NFX1: variants seen among roughly 807,000 people sequenced by gnomAD.
The protein encoded by NFX1 is transcriptional repressor NF-X1.
In NFX1, 69 loss-of-function variants were observed where a neutral mutation model predicts 137.2. That is an observed-to-expected ratio of 0.50 (90% confidence interval 0.41 to 0.61). The LOEUF (loss-of-function observed/expected upper bound fraction) is 0.61. Ranked by LOEUF, NFX1 falls within the 20% of genes least tolerant of loss-of-function variation. The pLI is 0.00. For synonymous variants in NFX1, 495 were observed against 474.1 expected (o/e 1.04, Z -0.57); for missense variants, 1,167 against 1,391.0 (o/e 0.84, Z 2.56).
chr9:33,314,977 T>G (rs1331100133), intron 7 of NFX1, among the ~76,000 whole-genome samples: 1 of 152,198 alleles, frequency 6.6e-6, no homozygotes, highest in East Asian at 1.9e-4. Context: ...AGAAAAAAAT[T>G]TTTTAATTGT....
chr9:33,312,373 G>T (rs1002038312), intron 6 of NFX1, among the ~76,000 whole-genome samples: 1 of 152,216 alleles, frequency 6.6e-6, no homozygotes, highest in Non-Finnish European at 1.5e-5. Context: ...ATGGTGCTAG[G>T]CAGAATGGCA....
intron 15 of NFX1, chr9:33,348,851 T>A: frequency 1.1e-6 from 1 of 883,472 alleles, no homozygotes; most frequent in Non-Finnish European, 1.4e-6. Flanking sequence ...AAGATGATAC[T>A]GTTTGCTACA....
intron 15 of NFX1, among the ~76,000 whole-genome samples, chr9:33,348,894 A>G (rs979569461): frequency 3.3e-5 from 5 of 152,046 alleles, no homozygotes; most frequent in African/African-American, 1.2e-4. Flanking sequence ...AAAAAAAGAT[A>G]TTGTTTTGTA....
chr9:33,352,502 G>A, intron 16 of NFX1, 144 bp from the exon 17 acceptor site: 2 of 729,310 alleles, frequency 2.7e-6, no homozygotes, highest in Non-Finnish European at 5.0e-6. Flanking sequence ...TTGCATGTGT[G>A]GTTAGCTTCT....
At chr9:33,319,565 A>G (rs1822305412) in intron 9 of NFX1, among the ~76,000 whole-genome samples, 1 of 152,196 alleles carries the variant, frequency 6.6e-6, no homozygotes, top group Non-Finnish European at 1.5e-5. Flanking sequence ...GCTCGAGTGC[A>G]GTGGTAGGAT....
At chr9:33,298,956 A>C (rs894586557) in intron 2 of NFX1, among the ~76,000 whole-genome samples, 4 of 152,194 alleles carry the variant, frequency 2.6e-5, no homozygotes, top group African/African-American at 9.6e-5. Flanking sequence ...TGGAAGGAAG[A>C]TTTTATGCCT....
chr9:33,355,878 C>G (rs1823794066), intron 19 of NFX1, among the ~76,000 whole-genome samples: 1 of 152,112 alleles, frequency 6.6e-6, no homozygotes, highest in Non-Finnish European at 1.5e-5. Context: ...CTCCTGACCT[C>G]AGGTGATCCA....
chr9:33,347,475 A>G (rs1275172134), intron 15 of NFX1, among the ~76,000 whole-genome samples: 1 of 152,144 alleles, frequency 6.6e-6, no homozygotes, highest in Non-Finnish European at 1.5e-5. Context: ...TAAAATACCA[A>G]ATTTTTTTTT....
intron 19 of NFX1, among the ~76,000 whole-genome samples, chr9:33,355,423 T>A (rs2118654870): frequency 6.6e-6 from 1 of 152,322 alleles, no homozygotes; most frequent in Admixed American, 6.5e-5. Flanking sequence ...TTTTTGAACT[T>A]TATGTAAGTG....
intron 22 of NFX1, 138 bp from the exon 23 acceptor site, chr9:33,367,377 G>A (rs1824198818): frequency 1.3e-6 from 1 of 769,414 alleles, no homozygotes; most frequent in African/African-American, 1.7e-5. Context: ...AGGTGGCCAT[G>A]TCTGAGAGCA....
intron 4 of NFX1, 152 bp downstream of exon 4, chr9:33,303,420 C>T: frequency 1.5e-6 from 1 of 652,414 alleles, no homozygotes; most frequent in Non-Finnish European, 2.6e-6. Flanking sequence ...GTCCATCACA[C>T]AGCTAGAGCC....
intron 23 of NFX1, among the ~76,000 whole-genome samples, chr9:33,369,207 A>G (rs1824257311): frequency 6.6e-6 from 1 of 152,010 alleles, no homozygotes; most frequent in African/African-American, 2.4e-5. Flanking sequence ...CTGGGACTAC[A>G]GGCGCCTGCC....
chr9:33,303,479 TC>T (rs1423939666), intron 4 of NFX1, among the ~76,000 whole-genome samples: 1 of 152,204 alleles, frequency 6.6e-6, no homozygotes, highest in Non-Finnish European at 1.5e-5. Context: ...CCAACCAGGC[TC>T]ATGCTGCTTC....
intron 15 of NFX1, among the ~76,000 whole-genome samples, chr9:33,350,626 A>G (rs1225349344): frequency 6.6e-6 from 1 of 152,206 alleles, no homozygotes; most frequent in Non-Finnish European, 1.5e-5. Context: ...TGTTTTCTTC[A>G]TCTCAAACTA....
chr9:33,353,892 A>G (rs538727608), intron 17 of NFX1, among the ~76,000 whole-genome samples, 194 bp from the exon 18 acceptor site: 4 of 151,696 alleles, frequency 2.6e-5, no homozygotes, highest in South Asian at 4.2e-4. Context: ...GTTTCACCAT[A>G]TTGGCCAGGC....
chr9:33,337,695 C>T (rs1823057604), intron 11 of NFX1, among the ~76,000 whole-genome samples: 2 of 152,092 alleles, frequency 1.3e-5, no homozygotes, highest in Admixed American at 6.6e-5. Context: ...TGCTACTGCA[C>T]TCCAGCCTGG....
chr9:33,352,581 T>G, intron 16 of NFX1, 65 bp from the exon 17 acceptor site: 2 of 1,380,704 alleles, frequency 1.4e-6, no homozygotes, highest in Middle Eastern at 1.8e-4. Context: ...GATTTAAGAG[T>G]GAAAAGTGCT....
At chr9:33,319,585 C>T (rs1169845665) in intron 9 of NFX1, among the ~76,000 whole-genome samples, 1 of 152,180 alleles carries the variant, frequency 6.6e-6, no homozygotes, top group African/African-American at 2.4e-5. Context: ...TCTCAGCTCA[C>T]TGCAGCCTCT....
chr9:33,294,742 C>G lies in NFX1; in HGVS notation c.348C>G (p.Ile116Met). ...AATTGAGGAATGAGAAGCACCATATCAGAGTCAAGAAAGCACAGAGTCTTG... is the reference window on the plus strand; with the variant it reads ...AATTGAGGAATGAGAAGCACCATATGAGAGTCAAGAAAGCACAGAGTCTTG... ...WQKLRNEKHHIRVKKAQSLAE... is the reference protein window; with the variant it reads ...WQKLRNEKHHMRVKKAQSLAE... The change falls in exon 2 of 24, where the codon ATC becomes ATG. Residue 116 changes from isoleucine (I) to methionine (M), a missense_variant. Ile to Met is a conservative substitution (Grantham distance 10). Transcript: ENST00000379540. 6.2e-7 allele frequency: 1 copy of G among 1,614,100 alleles called. No homozygotes were observed. Among genetic ancestry groups the G allele is most frequent in the Non-Finnish European group, 8.5e-7 (1 of 1,180,036 alleles).
Sources: allele counts gnomAD v4.1 joint callset (sites outside exome capture counted in the v4.1 genomes callset), GRCh38; gene constraint gnomAD v4.1.1; transcripts MANE v1.5; gene names NCBI Gene and HGNC (gene_info 2026-07-23, HGNC 2026-07-21).